CUX2: variants seen among roughly 807,000 people sequenced by gnomAD.
CUX2 encodes cut like homeobox 2.
In CUX2, 40 loss-of-function variants were observed where a neutral mutation model predicts 144.8. That is an observed-to-expected ratio of 0.28 (90% CI 0.21 to 0.36). CUX2 has a LOEUF of 0.36. Ranked by LOEUF, CUX2 falls within the 10% of genes least tolerant of loss-of-function variation. The probability of loss-of-function intolerance (pLI) is 1.00; values close to 1 mark genes in which losing one functional copy is unlikely to be tolerated. For missense variants in CUX2, 1,615 were observed against 1,994.0 expected, an observed-to-expected ratio of 0.81 and a Z score of 3.62; for synonymous variants, 827 against 875.6, an observed-to-expected ratio of 0.94 and a Z score of 0.98.
chr12:111,318,343 C>T (rs932540777), intron 16 of CUX2, among the ~76,000 whole-genome samples: 1 of 150,186 alleles, frequency 6.7e-6, no homozygotes, highest in African/African-American at 2.5e-5. Context: ...TCCTGCCTCA[C>T]CCTCCCAAAG....
At chr12:111,097,956 C>T (rs534110843) in intron 1 of CUX2, among the ~76,000 whole-genome samples, 5 of 152,222 alleles carry the variant, frequency 3.3e-5, no homozygotes, top group South Asian at 2.1e-4. Context: ...GACTTTTCCC[C>T]GAGGCTCAGA....
At chr12:111,264,203 C>G (rs1464875097) in intron 4 of CUX2, among the ~76,000 whole-genome samples, 1 of 152,184 alleles carries the variant, frequency 6.6e-6, no homozygotes, top group Admixed American at 6.5e-5. Context: ...GCAATAGAGG[C>G]AAGACCTCCA....
At chr12:111,087,508 T>C (rs1344870541) in intron 1 of CUX2, among the ~76,000 whole-genome samples, 1 of 152,206 alleles carries the variant, frequency 6.6e-6, no homozygotes, top group Admixed American at 6.5e-5. Flanking sequence ...ATACTATTCC[T>C]TGAGAAAACA....
At chr12:111,046,142 C>G (rs1239860403) in intron 1 of CUX2, among the ~76,000 whole-genome samples, 1 of 152,190 alleles carries the variant, frequency 6.6e-6, no homozygotes, top group Admixed American at 6.5e-5. Flanking sequence ...CCGGCCCACC[C>G]GGAGCCAGCA....
At chr12:111,217,828 C>G in intron 2 of CUX2, 62 bp from the exon 3 acceptor site, 2 of 1,557,524 alleles carry the variant, frequency 1.3e-6, no homozygotes, top group Non-Finnish European at 1.8e-6. Flanking sequence ...GAGCTACAAG[C>G]AGGGGCCACG....
intron 3 of CUX2, among the ~76,000 whole-genome samples, chr12:111,259,071 GTT>G (rs1491517748): frequency 2.0e-4 from 30 of 147,022 alleles, no homozygotes; most frequent in South Asian, 8.9e-4. Context: ...GTGTGTGTGT[GTT>G]TGTGTGTGTG....
intron 1 of CUX2, among the ~76,000 whole-genome samples, chr12:111,155,348 A>G (rs1260346086): frequency 6.6e-6 from 1 of 152,236 alleles, no homozygotes; most frequent in Non-Finnish European, 1.5e-5. Flanking sequence ...GTCTCATAGT[A>G]AACGTTCAGC....
intron 16 of CUX2, among the ~76,000 whole-genome samples, chr12:111,314,545 CAGG>C (rs1887074299): frequency 6.8e-6 from 1 of 147,748 alleles, no homozygotes; most frequent in South Asian, 2.2e-4. Context: ...GAGGCTGAGG[CAGG>C]AGAATTGCTT....
chr12:111,333,720 G>T (rs898567089), intron 18 of CUX2, among the ~76,000 whole-genome samples: 3 of 152,082 alleles, frequency 2.0e-5, no homozygotes, highest in African/African-American at 7.2e-5. Flanking sequence ...GGTTAAGATG[G>T]TATCCACCAG....
At chr12:111,210,449 T>C (rs1375956026) in intron 1 of CUX2, among the ~76,000 whole-genome samples, 1 of 152,238 alleles carries the variant, frequency 6.6e-6, no homozygotes, top group Admixed American at 6.5e-5. Context: ...CTTGGAATCA[T>C]TGATCTGGTG....
chr12:111,334,761 C>T (rs1888272411), intron 19 of CUX2, 51 bp downstream of exon 19: 1 of 1,534,110 alleles, frequency 6.5e-7, no homozygotes, highest in African/African-American at 1.4e-5. Flanking sequence ...GGGTTGGCTC[C>T]TACTTGCCTT....
Position 111,219,276 on chromosome 12 carries a change from G to T in CUX2, c.222+1339G>T, listed in dbSNP as rs116180360. 4.4e-3 allele frequency among the ~76,000 whole-genome samples: 669 copies of T among 151,818 alleles called. 4 individuals carry two copies. Among genetic ancestry groups the T allele is most frequent in the African/African-American group, 0.015 (636 of 41,370 alleles). On this transcript the variant is annotated intron_variant, in intron 3 of 21. Coordinates refer to ENST00000261726, the MANE Select transcript of CUX2 (RefSeq NM_015267.4). The stretch of plus-strand genomic sequence containing the variant: ...GCTTATTTATTTATAGGGCCATCCA[G>T]TATTGGTTCATTTGGTTGCAAGGTG...
At chr12:111,340,777 T>C (rs557437346) in intron 20 of CUX2, among the ~76,000 whole-genome samples, 177 of 152,374 alleles carry the variant, frequency 1.2e-3, no homozygotes, top group African/African-American at 3.8e-3. Flanking sequence ...CATAGCCTGT[T>C]CCTCTTCCTT....
At chr12:111,257,055 G>A (rs893355652) in intron 3 of CUX2, among the ~76,000 whole-genome samples, 19 of 152,124 alleles carry the variant, frequency 1.2e-4, no homozygotes, top group African/African-American at 3.4e-4. Context: ...CACCTGCTGC[G>A]TTCATCCTCG....
Position 111,159,003 on chromosome 12 carries a change from G to A in CUX2, c.64-55197G>A, listed in dbSNP as rs575308427. On this transcript the variant is annotated intron_variant, in intron 1 of 21. Transcript: ENST00000261726. ...GGGGCGCAGGAAATGGGAGCAAGGT[G>A]CTGTCCCTCAGGCCTGGGAAGGGGC... is the stretch of plus-strand genomic sequence containing the variant. 6.3e-4 allele frequency among the ~76,000 whole-genome samples: 96 copies of A among 152,294 alleles called. 1 individual carries two copies. Among genetic ancestry groups the A allele is most frequent in the Admixed American group, 2.4e-3 (37 of 15,300 alleles).
Position 111,310,378 on chromosome 12 carries a change from T to TCCTGAG in CUX2, c.1599_1604dup (p.Glu534_Pro535dup). The TCCTGAG allele has an allele frequency of 6.2e-7, 1 of 1,601,202 alleles. No homozygotes were observed. Among genetic ancestry groups the TCCTGAG allele is most frequent in the Non-Finnish European group, 8.5e-7 (1 of 1,172,816 alleles). ...CCCCTGGCCCTGAGCCACTGGGCGG[T>TCCTGAG]CCTGAGCCCGCGGATGGTGGTGGGG... On this transcript the variant is annotated inframe_insertion, in exon 15 of 22. Coordinates refer to ENST00000261726, the MANE Select transcript of CUX2 (RefSeq NM_015267.4). This position sits in a 1 kb window ranked among gnomAD's most constrained non-coding sequence, Gnocchi z 7.9.
intron 3 of CUX2, among the ~76,000 whole-genome samples, chr12:111,253,298 T>A (rs1376275977): frequency 1.5e-5 from 2 of 132,784 alleles, no homozygotes; most frequent in Non-Finnish European, 3.0e-5. Flanking sequence ...CCCAGGGCTC[T>A]TCCCCCCGAC....
intron 15 of CUX2, among the ~76,000 whole-genome samples, chr12:111,311,636 T>C (rs1378806521): frequency 6.7e-6 from 1 of 149,588 alleles, no homozygotes; most frequent in Non-Finnish European, 1.5e-5. Flanking sequence ...TCTTGTTCTG[T>C]TACTCAGGCT....
chr12:111,349,017 A>C lies in CUX2; in HGVS notation c.*692A>C, dbSNP rs1004939843. ...TTTCATTCTGGTGGTCTGTTTTGCA[A>C]GCTTGATAACAGAATGTCCGTGCCA... On this transcript the variant is annotated 3_prime_UTR_variant, in exon 22 of 22. Coordinates refer to ENST00000261726, the MANE Select transcript of CUX2 (RefSeq NM_015267.4). 1.3e-5 allele frequency: 2 copies of C among 152,656 alleles called. No homozygotes were observed. The highest frequency in any genetic ancestry group is 4.8e-5 in the African/African-American group (2 of 41,454). The allele number at this position is 152,656 out of a possible 1,614,324, so 9.5% of individuals were successfully genotyped here.
Sources: gnomAD v4.1 joint callset for allele counts (sites outside exome capture counted in the v4.1 genomes callset) on GRCh38, gnomAD v4.1.1 for gene constraint, Gnocchi (gnomAD v3.1) non-coding constraint, MANE v1.5 for transcripts, NCBI Gene and HGNC (gene_info 2026-07-23, HGNC 2026-07-21) for gene names.